The following EGF variants were observed in gnomAD, a reference collection of about 807,000 sequenced individuals.
EGF encodes the protein pro-epidermal growth factor.
Under a neutral mutation model 143.8 loss-of-function variants are expected in EGF, and 95 were observed. The observed-to-expected ratio is 0.66, with a 90% CI of 0.56 to 0.78. The LOEUF is 0.78. EGF is among the 30% of genes least tolerant of loss of function. EGF has a pLI of 0.00. For synonymous variants in EGF, 510 were observed against 510.5 expected, an observed-to-expected ratio of 1.00 and a Z score of 0.01; for missense variants, 1,320 against 1,470.9, an observed-to-expected ratio of 0.90 and a Z score of 1.68.
chr4:109,935,505 A>G (rs1411134656), intron 1 of EGF, among the ~76,000 whole-genome samples: 1 of 152,138 alleles, frequency 6.6e-6, no homozygotes, highest in African/African-American at 2.4e-5. Flanking sequence ...GCAAACAGAG[A>G]CAATTTGACG....
intron 1 of EGF, among the ~76,000 whole-genome samples, chr4:109,928,741 G>C (rs765772703): frequency 3.9e-5 from 6 of 152,112 alleles, no homozygotes; most frequent in Non-Finnish European, 8.8e-5. Flanking sequence ...CTGGAATTTG[G>C]TTGTCCTATT....
intron 16 of EGF, among the ~76,000 whole-genome samples, chr4:109,985,133 G>A (rs1345207706): frequency 6.6e-6 from 1 of 152,188 alleles, no homozygotes; most frequent in Non-Finnish European, 1.5e-5. Flanking sequence ...GGGAATGGGG[G>A]AGTGATTAAG....
At chr4:109,985,248 G>A (rs1323052496) in intron 16 of EGF, among the ~76,000 whole-genome samples, 2 of 152,186 alleles carry the variant, frequency 1.3e-5, no homozygotes, top group Non-Finnish European at 2.9e-5. Context: ...TACCTGGATT[G>A]TGTTCTGTGT....
chr4:109,968,419 G>A (rs1448903310), intron 10 of EGF, among the ~76,000 whole-genome samples: 5 of 152,098 alleles, frequency 3.3e-5, no homozygotes, highest in African/African-American at 1.2e-4. Context: ...TACAGACTGA[G>A]CCCAGCTTGT....
intron 3 of EGF, 131 bp from the exon 4 acceptor site, chr4:109,943,711 A>G (rs1742328609): frequency 1.2e-6 from 1 of 840,706 alleles, no homozygotes; most frequent in African/African-American, 1.7e-5. Context: ...GGCAGTGTTT[A>G]CTTGTTGAAT....
Position 109,976,069 on chromosome 4 carries a change from A to G in EGF, c.1887A>G (p.Gln629=). Residue 629 remains glutamine (Q), a synonymous_variant, in exon 13 of 24, where the codon CAA becomes CAG. Transcript: ENST00000265171. ...INPRIESSSL[Q]GLGRLVIASS... ...CACGAATTGAAAGTTCTTCCCTCCA[A>G]GGCCTTGGCCGTCTGGTTATAGCCA... is the stretch of plus-strand genomic sequence containing the variant. 6.2e-7 allele frequency: 1 copy of G among 1,614,072 alleles called. No individual in the cohort carries two copies. The highest frequency in any genetic ancestry group is 8.5e-7 in the Non-Finnish European group (1 of 1,179,908).
chr4:109,952,415 T>G (rs566531278), intron 5 of EGF, among the ~76,000 whole-genome samples: 1 of 152,322 alleles, frequency 6.6e-6, no homozygotes, highest in East Asian at 1.9e-4. Context: ...TCCTGTGAGT[T>G]CATGAAGGAT....
At chr4:109,940,704 G>A in intron 1 of EGF, 2 of 492,232 alleles carry the variant, frequency 4.1e-6, no homozygotes, top group East Asian at 3.5e-5. Context: ...TCTTCAGAGA[G>A]TTCATTTTTC....
chr4:109,943,183 T>G (rs1248647160), intron 2 of EGF, 71 bp from the exon 3 acceptor site: 2 of 1,071,036 alleles, frequency 1.9e-6, no homozygotes, highest in Non-Finnish European at 2.7e-6. Context: ...ACTTTTTATA[T>G]ATAACAATTA....
At chr4:109,962,311 A>G (rs183099614) in intron 8 of EGF, among the ~76,000 whole-genome samples, 72 of 152,344 alleles carry the variant, frequency 4.7e-4, no homozygotes, top group Non-Finnish European at 7.9e-4. Context: ...TCAACTGCAG[A>G]GATACTGATA....
At chr4:109,970,624 A>C (rs1747421183) in intron 11 of EGF, among the ~76,000 whole-genome samples, 1 of 152,078 alleles carries the variant, frequency 6.6e-6, no homozygotes, top group Non-Finnish European at 1.5e-5. Context: ...CAGGAGATCG[A>C]GACCATCCTG....
At chr4:109,994,649 T>C (rs1751514145) in intron 19 of EGF, 84 bp from the exon 20 acceptor site, 6 of 1,465,148 alleles carry the variant, frequency 4.1e-6, no homozygotes, top group Non-Finnish European at 5.7e-6. Flanking sequence ...TCACAAACTA[T>C]TCACAGAAAC....
chr4:109,919,313 C>CTT (rs1737310839), intron 1 of EGF, among the ~76,000 whole-genome samples: 1 of 145,668 alleles, frequency 6.9e-6, no homozygotes, highest in African/African-American at 2.7e-5. Context: ...CTCTCTCTCT[C>CTT]TCTCTCTCTC....
In EGF at chr4:109,996,972, G is replaced by A. The variant is rs183109862; in HGVS notation, c.3005+2092G>A. On this transcript the variant is annotated intron_variant, in intron 20 of 23. Transcript: ENST00000265171. ...AAAACAGGCTGTATGGTCAAATCAC[G>A]TTGAGAGATGCATCATACTCTACCC... Among the ~76,000 whole-genome samples, 396 of 152,082 alleles carry A rather than the reference G, an allele frequency of 2.6e-3. 2 individuals carry two copies. The highest frequency in any genetic ancestry group is 8.5e-3 in the African/African-American group (351 of 41,462).
rs185171475 is a variant in EGF at position 109,994,618 on chromosome 4, T to C, written c.2858-115T>C. On this transcript the variant is annotated intron_variant, in intron 19 of 23. Coordinates refer to ENST00000265171, the MANE Select transcript of EGF (RefSeq NM_001963.6). ...AACTATTGTCCCTTCTAGTAGTTCT[T>C]CTGTCACTAAAAGATTTATGTCACA... The C allele has an allele frequency of 8.6e-4, 1,056 of 1,227,798 alleles. 2 individuals carry two copies. Among genetic ancestry groups the C allele is most frequent in the Non-Finnish European group, 8.1e-4 (683 of 846,932 alleles). The allele number at this position is 1,227,798 out of a possible 1,614,324, so 76.1% of individuals were successfully genotyped here.
At chr4:109,969,781 G>A (rs1437037755) in intron 11 of EGF, among the ~76,000 whole-genome samples, 3 of 152,020 alleles carry the variant, frequency 2.0e-5, no homozygotes, top group Non-Finnish European at 2.9e-5. Context: ...CTTTTCAGTC[G>A]GTTCTTAGTT....
intron 1 of EGF, among the ~76,000 whole-genome samples, chr4:109,914,060 C>T (rs1736165292): frequency 6.6e-6 from 1 of 152,132 alleles, no homozygotes. Context: ...TTAAGAACTG[C>T]CAAATATGAT....
At chr4:109,963,109 C>G in intron 8 of EGF, 64 bp from the exon 9 acceptor site, 1 of 1,586,140 alleles carries the variant, frequency 6.3e-7, no homozygotes, top group Non-Finnish European at 8.6e-7. Flanking sequence ...CGCCCCCATC[C>G]TTTGATGAAA....
chr4:109,995,677 T>C (rs1751702512), intron 20 of EGF, among the ~76,000 whole-genome samples: 1 of 152,212 alleles, frequency 6.6e-6, no homozygotes, highest in South Asian at 2.1e-4. Flanking sequence ...AAAAAACTAA[T>C]ACGTCTCCCA....
Sources: allele counts gnomAD v4.1 joint callset (sites outside exome capture counted in the v4.1 genomes callset), GRCh38; gene constraint gnomAD v4.1.1; transcripts MANE v1.5; gene names NCBI Gene and HGNC (gene_info 2026-07-23, HGNC 2026-07-21).